TRDMT1: variants seen among roughly 807,000 people sequenced by gnomAD.
TRDMT1 encodes tRNA aspartic acid methyltransferase 1, also known as tRNA (cytosine(38)-C(5))-methyltransferase.
A neutral mutation model predicts 51.2 loss-of-function variants in TRDMT1; 49 were observed. That is an observed-to-expected ratio of 0.96 (90% confidence interval 0.76 to 1.21). The LOEUF is 1.21. TRDMT1 is among the 50% of genes most tolerant of loss of function. The pLI is 0.00. For missense variants in TRDMT1, 534 were observed against 462.3 expected (o/e 1.16, Z -1.42); for synonymous variants, 187 against 164.6 (o/e 1.14, Z -1.04).
intron 10 of TRDMT1, chr10:17,151,677 A>C (rs1838759860): frequency 1.1e-6 from 1 of 945,346 alleles, no homozygotes; most frequent in Admixed American, 6.1e-5. Flanking sequence ...GAAAAATTCT[A>C]TTTCACCAAC....
chr10:17,144,148 C>T lies in TRDMT1; in HGVS notation c.*4892G>A, dbSNP rs1837908623. On this transcript the variant is annotated 3_prime_UTR_variant, in exon 11 of 11. Transcript: ENST00000377799. ...ACCTTCAGATAAGTCAGCTCCAAGCCTCTGCTCTTCTTTTTCTCTTTCTCT... is the reference window on the plus strand; with the variant it reads ...ACCTTCAGATAAGTCAGCTCCAAGCTTCTGCTCTTCTTTTTCTCTTTCTCT... 1.0e-6 allele frequency: 1 copy of T among 985,396 alleles called. No individual in the cohort carries two copies. The highest frequency in any genetic ancestry group is 1.2e-6 in the Non-Finnish European group (1 of 829,934). The allele number at this position is 985,396 out of a possible 1,614,324, so 61.0% of individuals were successfully genotyped here. A position where few individuals can be genotyped will look rare whatever the true frequency, so the allele number is the denominator to read the frequency against.
chr10:17,197,275 T>C (rs915577054), intron 1 of TRDMT1, among the ~76,000 whole-genome samples: 5 of 152,178 alleles, frequency 3.3e-5, no homozygotes, highest in Non-Finnish European at 7.3e-5. Context: ...ACCTCAATAG[T>C]AAGCTAGAAA....
At chr10:17,161,641 TA>T in intron 4 of TRDMT1, 93 bp from the exon 5 acceptor site, 1 of 703,806 alleles carries the variant, frequency 1.4e-6, no homozygotes, top group South Asian at 3.4e-5. Flanking sequence ...ACGAGGTAAG[TA>T]ATTTTCTGAA....
chr10:17,175,689 G>C (rs1460347313), intron 1 of TRDMT1, among the ~76,000 whole-genome samples: 1 of 134,454 alleles, frequency 7.4e-6, no homozygotes, highest in Admixed American at 7.4e-5. Flanking sequence ...AAAAAAAAAA[G>C]AGTGGTGTGA....
At position 17,142,836 on chromosome 10, in the gene TRDMT1, C is replaced by G; in HGVS notation, c.*6204G>C. On this transcript the variant is annotated 3_prime_UTR_variant, in exon 11 of 11. Coordinates refer to ENST00000377799, the MANE Select transcript of TRDMT1 (RefSeq NM_004412.7). ...GTCTTGGGGTCCCTCCGCAGTGTGT[C>G]TTCCTGGTCCCACCTTTCAGAATTC... 1 of 382,936 alleles carries G rather than the reference C, an allele frequency of 2.6e-6. No homozygotes were observed. The highest frequency in any genetic ancestry group is 3.6e-6 in the Non-Finnish European group (1 of 279,214). 23.7% of individuals were successfully genotyped at this position (382,936 alleles called of 1,614,324 possible).
chr10:17,185,181 A>G (rs1219971146), intron 1 of TRDMT1, among the ~76,000 whole-genome samples: 3 of 152,222 alleles, frequency 2.0e-5, no homozygotes, highest in Non-Finnish European at 4.4e-5. Flanking sequence ...AATGTTTGCC[A>G]TTATTATTAT....
intron 1 of TRDMT1, among the ~76,000 whole-genome samples, chr10:17,180,018 G>A (rs1843081912): frequency 6.6e-6 from 1 of 152,050 alleles, no homozygotes; most frequent in African/African-American, 2.4e-5. Flanking sequence ...TACTCTATGA[G>A]CATTTAAGTA....
chr10:17,140,986 C>T lies in TRDMT1; in HGVS notation c.*8054G>A, dbSNP rs893620990. ...GAGCTGCATAGAGGTATATGTGTATCGATACATATATAGATAAAACAGAGA... is the reference window on the plus strand; with the variant it reads ...GAGCTGCATAGAGGTATATGTGTATTGATACATATATAGATAAAACAGAGA... On this transcript the variant is annotated 3_prime_UTR_variant, in exon 11 of 11. Coordinates refer to ENST00000377799, the MANE Select transcript of TRDMT1 (RefSeq NM_004412.7). Among the ~76,000 whole-genome samples, 3 of 152,026 alleles carry T rather than the reference C, an allele frequency of 2.0e-5. No individual in the cohort carries two copies. Among genetic ancestry groups the T allele is most frequent in the African/African-American group, 7.3e-5 (3 of 41,372 alleles).
Position 17,138,895 on chromosome 10 carries a change from A to G in TRDMT1, c.*10145T>C, listed in dbSNP as rs1362823431. On this transcript the variant is annotated 3_prime_UTR_variant, in exon 11 of 11. Coordinates refer to ENST00000377799, the MANE Select transcript of TRDMT1 (RefSeq NM_004412.7). ...ACAGGGGTGTTCGTGGCACATGTATACACACGTGTGCACACACAGCTTCCT... is the reference window on the plus strand; with the variant it reads ...ACAGGGGTGTTCGTGGCACATGTATGCACACGTGTGCACACACAGCTTCCT... Among the ~76,000 whole-genome samples the G allele has an allele frequency of 1.3e-5, 2 of 152,198 alleles. No individual in the cohort carries two copies. Among genetic ancestry groups the G allele is most frequent in the Non-Finnish European group, 2.9e-5 (2 of 68,044 alleles).
intron 1 of TRDMT1, among the ~76,000 whole-genome samples, chr10:17,183,429 C>T (rs75708888): frequency 0.14 from 20,826 of 151,936 alleles, 1,521 homozygotes; most frequent in Admixed American, 0.17. Context: ...TCTTTAGTTA[C>T]TTTTTTGAGA....
chr10:17,201,445 C>CCGCCCCACAGTGTA, intron 1 of TRDMT1, 126 bp downstream of exon 1: 1 of 964,060 alleles, frequency 1.0e-6, no homozygotes, highest in Non-Finnish European at 1.4e-6. Context: ...CAACCGAGGG[C>CCGCCCCACAGTGTA]CGCCCCACAG....
chr10:17,159,169 A>G lies in TRDMT1; in HGVS notation c.520T>C (p.Leu174=), dbSNP rs1839959183. Residue 174 remains leucine (L), a synonymous_variant, in exon 7 of 11, where the codon TTA becomes CTA. Transcript: ENST00000377799. ...ACCTGACCAGGGGCTTGAAAGGGTA[A>G]TGGCTCTGACTGAAGCTTTGCAATA... ...FLIAKLQSEP[L]PFQAPGQVLM... is the part of the protein sequence containing the mutation. 1 of 1,602,826 alleles carries G rather than the reference A, an allele frequency of 6.2e-7. No individual in the cohort carries two copies.
intron 1 of TRDMT1, among the ~76,000 whole-genome samples, chr10:17,188,674 A>C (rs1844272464): frequency 6.6e-6 from 1 of 152,190 alleles, no homozygotes; most frequent in Admixed American, 6.5e-5. Flanking sequence ...CACTATCATC[A>C]ACAGAGCCAC....
intron 8 of TRDMT1, among the ~76,000 whole-genome samples, chr10:17,155,069 T>A (rs10904890): frequency 0.14 from 20,828 of 151,744 alleles, 1,521 homozygotes; most frequent in Admixed American, 0.17. Flanking sequence ...TAAAAATATT[T>A]AAAAAATGAG....
At chr10:17,201,460 C>CGCCCCACAGTGTCT (rs1564360574) in intron 1 of TRDMT1, 111 bp downstream of exon 1, 8 of 1,199,348 alleles carry the variant, frequency 6.7e-6, no homozygotes, top group Non-Finnish European at 9.3e-6. Context: ...CCACAGTGTC[C>CGCCCCACAGTGTCT]GCCCCACAGT....
At chr10:17,182,718 C>T (rs1843421665) in intron 1 of TRDMT1, among the ~76,000 whole-genome samples, 1 of 152,144 alleles carries the variant, frequency 6.6e-6, no homozygotes, top group Admixed American at 6.5e-5. Context: ...TACTTATAAA[C>T]TATAGCTCCC....
At chr10:17,160,161 G>T in intron 6 of TRDMT1, 144 bp downstream of exon 6, 1 of 442,518 alleles carries the variant, frequency 2.3e-6, no homozygotes, top group Non-Finnish European at 3.9e-6. Context: ...TCTTTGGGAA[G>T]GAAGACCCAT....
chr10:17,164,153 C>G (rs984200926), intron 3 of TRDMT1, among the ~76,000 whole-genome samples: 51 of 152,298 alleles, frequency 3.3e-4, no homozygotes, highest in Admixed American at 2.5e-3. Context: ...AGCAGCACAT[C>G]AAAAAGCTTA....
intron 10 of TRDMT1, 152 bp from the exon 11 acceptor site, chr10:17,149,292 C>T: frequency 1.6e-6 from 1 of 616,480 alleles, no homozygotes; most frequent in Non-Finnish European, 2.8e-6. Context: ...GAATTTGGAG[C>T]CAAAAATATT....
Sources: gnomAD v4.1 joint callset for allele counts (sites outside exome capture counted in the v4.1 genomes callset) on GRCh38, gnomAD v4.1.1 for gene constraint, MANE v1.5 for transcripts, NCBI Gene and HGNC (gene_info 2026-07-23, HGNC 2026-07-21) for gene names.